Variants in PCCB observed in about 807,000 individuals in gnomAD.
PCCB encodes the protein propionyl-CoA carboxylase subunit beta.
In PCCB, 43 loss-of-function variants were observed where a neutral mutation model predicts 60.7. That is an observed-to-expected ratio of 0.71 (90% confidence interval 0.55 to 0.91). The LOEUF (loss-of-function observed/expected upper bound fraction) is 0.91, where lower values mean the gene tolerates loss of function less well. Ranked by LOEUF, PCCB falls within the 40% of genes least tolerant of loss-of-function variation. The pLI is 0.00. For synonymous variants in PCCB, 276 were observed against 255.9 expected, an observed-to-expected ratio of 1.08 and a Z score of -0.75; for missense variants, 766 against 702.8, an observed-to-expected ratio of 1.09 and a Z score of -1.02.
Position 136,250,518 on chromosome 3 carries a change from T to G in PCCB, c.143T>G (p.Leu48Arg), listed in dbSNP as rs1368586445. 5 of 1,612,836 alleles carry G rather than the reference T, an allele frequency of 3.1e-6. No homozygotes were observed. Among genetic ancestry groups the G allele is most frequent in the Non-Finnish European group, 3.4e-6 (4 of 1,179,744 alleles). The stretch of plus-strand genomic sequence containing the variant: ...GAAAACAAGCGCCGGACCGCGCTGC[T>G]GGGAGGGGGCCAACGCCGTATTGAC... ...RIENKRRTAL[L>R]GGGQRRIDAQ... Residue 48 changes from leucine (L) to arginine (R), a missense_variant, in exon 1 of 15, where the codon CTG becomes CGG. Physicochemically the swap from Leu to Arg is moderately radical, Grantham distance 102 (BLOSUM62 -2). Transcript: ENST00000251654.
chr3:136,252,388 A>G, intron 1 of PCCB: 3 of 447,974 alleles, frequency 6.7e-6, no homozygotes, highest in Non-Finnish European at 1.3e-5. Context: ...CTGGGGTTAC[A>G]GGTATGTGTC....
chr3:136,259,136 A>C, intron 3 of PCCB: 3 of 1,454,674 alleles, frequency 2.1e-6, no homozygotes, highest in Non-Finnish European at 2.7e-6. Flanking sequence ...AAGCAGTGAG[A>C]GCTCTGATTC....
intron 5 of PCCB, among the ~76,000 whole-genome samples, chr3:136,263,480 C>T (rs938975219): frequency 1.3e-5 from 2 of 151,566 alleles, no homozygotes; most frequent in Non-Finnish European, 2.9e-5. Flanking sequence ...CCATGCTGCG[C>T]AGGCTTATCT....
intron 6 of PCCB, among the ~76,000 whole-genome samples, chr3:136,284,353 T>C (rs1241654549): frequency 6.6e-6 from 1 of 152,238 alleles, no homozygotes; most frequent in Admixed American, 6.5e-5. Flanking sequence ...TTTTATTACA[T>C]TGTGTCCATA....
At chr3:136,267,963 T>TTTTTG (rs1942052241) in intron 5 of PCCB, among the ~76,000 whole-genome samples, 1 of 145,636 alleles carries the variant, frequency 6.9e-6, no homozygotes, top group African/African-American at 2.5e-5. Context: ...TTTTTTTTTT[T>TTTTTG]GAGATGGAGT....
intron 9 of PCCB, among the ~76,000 whole-genome samples, chr3:136,303,748 C>T (rs1934366470): frequency 8.3e-6 from 1 of 121,092 alleles, no homozygotes; most frequent in African/African-American, 2.5e-5. Flanking sequence ...GGATTACAGG[C>T]GAGCCCTACC....
intron 6 of PCCB, among the ~76,000 whole-genome samples, chr3:136,292,938 T>G (rs560478742): frequency 6.6e-6 from 1 of 152,190 alleles, no homozygotes; most frequent in Non-Finnish European, 1.5e-5. Context: ...TGCAGTATAC[T>G]TATATTATCT....
At chr3:136,264,687 C>T (rs1374194365) in intron 5 of PCCB, among the ~76,000 whole-genome samples, 1 of 140,268 alleles carries the variant, frequency 7.1e-6, no homozygotes. Flanking sequence ...TCCTGGCTAA[C>T]ACGGTGAAAC....
rs1941842177 is a variant in PCCB, at chr3:136,262,035, G to C, written c.513G>C (p.Glu171Asp). Residue 171 changes from glutamate to aspartate, a missense_variant, in exon 5 of 15, where the codon GAG (glutamate) becomes GAC (aspartate). Transcript: ENST00000251654. ...GAGCACGGATCCAAGAAGGAGTGGA[G>C]TCTTTGGCTGGCTATGCAGACATCT... ...SGGARIQEGVESLAGYADIFL... is the reference protein window; with the variant it reads ...SGGARIQEGVDSLAGYADIFL... The C allele has an allele frequency of 6.4e-7, 1 of 1,557,180 alleles. No homozygotes were observed. The highest frequency in any genetic ancestry group is 1.4e-5 in the African/African-American group (1 of 73,820).
At chr3:136,284,584 T>TG in intron 6 of PCCB, among the ~76,000 whole-genome samples, 1 of 152,078 alleles carries the variant, frequency 6.6e-6, no homozygotes, top group Admixed American at 6.5e-5. Flanking sequence ...ACAGAATGGT[T>TG]GGGGGGAAAA....
At chr3:136,279,367 T>A (rs1256616914) in intron 5 of PCCB, among the ~76,000 whole-genome samples, 1 of 152,224 alleles carries the variant, frequency 6.6e-6, no homozygotes, top group Non-Finnish European at 1.5e-5. Context: ...CCTCAGTTCC[T>A]CCATTATGGC....
intron 12 of PCCB, among the ~76,000 whole-genome samples, 157 bp downstream of exon 12, chr3:136,327,412 G>A (rs531233296): frequency 2.0e-5 from 3 of 152,368 alleles, no homozygotes; most frequent in South Asian, 4.1e-4. Flanking sequence ...CCGCAGAAAT[G>A]TCTGTGCTTT....
At chr3:136,299,598 A>G (rs1447356563) in intron 8 of PCCB, among the ~76,000 whole-genome samples, 4 of 94,028 alleles carry the variant, frequency 4.3e-5, no homozygotes, top group African/African-American at 1.1e-4. Context: ...ATGCATGTGT[A>G]TGTATGTATA....
At chr3:136,278,430 T>C (rs1470086374) in intron 5 of PCCB, among the ~76,000 whole-genome samples, 3 of 152,206 alleles carry the variant, frequency 2.0e-5, no homozygotes, top group African/African-American at 7.2e-5. Flanking sequence ...CAATACACTA[T>C]TCTGTTCTTC....
chr3:136,327,961 A>G (rs889099927), intron 13 of PCCB, among the ~76,000 whole-genome samples: 2 of 152,124 alleles, frequency 1.3e-5, no homozygotes, highest in South Asian at 4.1e-4. Flanking sequence ...CTTCATGCCA[A>G]GGTGGGTGCG....
rs113715896 is a variant in PCCB, at chr3:136,326,209, TG to T, written c.1091-592del. On this transcript the variant is annotated intron_variant, in intron 10 of 14. Transcript: ENST00000251654. ...TTTGGTCTGTATTCTTTTCTGATGA[TG>T]GTCCTTGTCTTGCTTTGGTATTGGG... 3,986 of 609,738 alleles carry T rather than the reference TG, an allele frequency of 6.5e-3. 69 individuals carry two copies. The highest frequency in any genetic ancestry group is 0.037 in the East Asian group (1,331 of 36,258). The allele number at this position is 609,738 out of a possible 1,614,324, so 37.8% of individuals were successfully genotyped here.
chr3:136,321,904 G>C (rs556141499), intron 10 of PCCB, among the ~76,000 whole-genome samples: 1 of 152,166 alleles, frequency 6.6e-6, no homozygotes, highest in South Asian at 2.1e-4. Flanking sequence ...CAGATTTTCT[G>C]TATGGACAAT....
chr3:136,264,508 A>T (rs1052041903), intron 5 of PCCB, among the ~76,000 whole-genome samples: 1 of 150,092 alleles, frequency 6.7e-6, no homozygotes, highest in Admixed American at 6.6e-5. Flanking sequence ...TTGACTTTAG[A>T]TGTTATCTCT....
rs748708704 is a variant in PCCB at position 136,316,962 on chromosome 3, T to G, written c.988T>G (p.Phe330Val). The G allele has an allele frequency of 3.2e-5, 51 of 1,614,020 alleles. No individual in the cohort carries two copies. The highest frequency in any genetic ancestry group is 1.5e-4 in the Admixed American group (9 of 60,004). The change falls in exon 10 of 15, where the codon TTT becomes GTT. Residue 330 changes from phenylalanine (F) to valine (V), a missense_variant. Phe to Val is a conservative substitution (Grantham distance 50, BLOSUM62 -1). Coordinates refer to ENST00000251654, the MANE Select transcript of PCCB (RefSeq NM_000532.5). ...GCAGGTTGTTGATGAGCGTGAATTT[T>G]TTGAGATCATGCCCAATTATGCCAA... The part of the protein sequence containing the change: ...IHSVVDEREF[F>V]EIMPNYAKNI...
Sources: gnomAD v4.1 joint callset for allele counts (sites outside exome capture counted in the v4.1 genomes callset) on GRCh38, gnomAD v4.1.1 for gene constraint, MANE v1.5 for transcripts, NCBI Gene and HGNC (gene_info 2026-07-23, HGNC 2026-07-21) for gene names.